Variants in LINGO2 observed in about 807,000 individuals in gnomAD.
LINGO2 encodes leucine rich repeat and Ig domain containing 2.
A neutral mutation model predicts 30.6 loss-of-function variants in LINGO2; 14 were observed. The ratio of observed to expected loss-of-function variants is 0.46; its 90% CI spans 0.30 to 0.72. The LOEUF (loss-of-function observed/expected upper bound fraction) is 0.72. Among genes scored for constraint, LINGO2 ranks in the 30% least tolerant of loss-of-function variants. The pLI is 0.07. For synonymous variants in LINGO2, 317 were observed against 288.5 expected, an observed-to-expected ratio of 1.10 and a Z score of -1.00; for missense variants, 729 against 751.7, an observed-to-expected ratio of 0.97 and a Z score of 0.35.
intron 4 of LINGO2, among the ~76,000 whole-genome samples, chr9:28,136,755 T>C (rs572089055): frequency 3.3e-5 from 5 of 152,302 alleles, no homozygotes; most frequent in African/African-American, 9.6e-5. Context: ...GACTGGGCCA[T>C]GGAGTTCTCA....
intron 1 of LINGO2, among the ~76,000 whole-genome samples, chr9:28,557,221 G>A (rs543696233): frequency 1.3e-3 from 196 of 152,012 alleles, no homozygotes; most frequent in Non-Finnish European, 2.3e-3. Context: ...CCTACAAAAT[G>A]GGAGAAAATT....
At chr9:28,506,522 A>AGATAT in intron 1 of LINGO2, among the ~76,000 whole-genome samples, 1 of 136,486 alleles carries the variant, frequency 7.3e-6, no homozygotes, top group Admixed American at 7.8e-5. Flanking sequence ...ATATATATAT[A>AGATAT]AACTGTTGGG....
At chr9:28,181,080 G>C (rs1828897452) in intron 4 of LINGO2, among the ~76,000 whole-genome samples, 1 of 152,110 alleles carries the variant, frequency 6.6e-6, no homozygotes, top group Non-Finnish European at 1.5e-5. Flanking sequence ...CTAGATGCCA[G>C]GGTAAGCTGT....
chr9:28,824,832 T>G, the LINGO2 span, among the ~76,000 whole-genome samples: 1 of 152,174 alleles, frequency 6.6e-6, no homozygotes, highest in African/African-American at 2.4e-5. Flanking sequence ...AGAAAGGATC[T>G]AAAGTCACAA....
intron 4 of LINGO2, among the ~76,000 whole-genome samples, chr9:28,087,407 TATTA>T (rs1825946014): frequency 6.6e-6 from 1 of 152,120 alleles, no homozygotes; most frequent in Non-Finnish European, 1.5e-5. Context: ...TAATCATCAC[TATTA>T]ATTAACATTT....
At chr9:29,201,834 A>C in the LINGO2 span, among the ~76,000 whole-genome samples, 4 of 152,038 alleles carry the variant, frequency 2.6e-5, no homozygotes, top group African/African-American at 7.2e-5. Flanking sequence ...TGCAGGCCAG[A>C]AAAGTGTTTT....
At chr9:28,710,719 C>A in the LINGO2 span, among the ~76,000 whole-genome samples, 4 of 151,922 alleles carry the variant, frequency 2.6e-5, no homozygotes. Flanking sequence ...CAGGAATCAC[C>A]CCATTTCAAA....
chr9:29,035,540 C>A, the LINGO2 span, among the ~76,000 whole-genome samples: 2 of 150,708 alleles, frequency 1.3e-5, no homozygotes, highest in Non-Finnish European at 1.5e-5. Context: ...GAAGGAAGAG[C>A]TCAAGGTACA....
At chr9:29,107,550 A>T in the LINGO2 span, among the ~76,000 whole-genome samples, 14 of 151,816 alleles carry the variant, frequency 9.2e-5, no homozygotes, top group South Asian at 4.1e-4. Context: ...GTCTTTTAAA[A>T]TTTTTTTTTC....
intron 4 of LINGO2, among the ~76,000 whole-genome samples, chr9:28,236,266 C>G (rs928052403): frequency 2.6e-5 from 4 of 151,916 alleles, no homozygotes; most frequent in African/African-American, 7.3e-5. Flanking sequence ...AAAGACTGTC[C>G]CAGACAAACA....
intron 5 of LINGO2, among the ~76,000 whole-genome samples, chr9:27,969,571 T>C (rs1019904420): frequency 3.9e-5 from 6 of 152,286 alleles, no homozygotes; most frequent in African/African-American, 1.4e-4. Context: ...CTGTTCTCAT[T>C]ACCATTTTGT....
intron 1 of LINGO2, among the ~76,000 whole-genome samples, chr9:28,516,426 G>A (rs1395879438): frequency 6.6e-6 from 1 of 152,170 alleles, no homozygotes; most frequent in Non-Finnish European, 1.5e-5. Flanking sequence ...TGTGGACTAA[G>A]CCAGTCTTTG....
chr9:27,987,097 T>A (rs1821160571), intron 5 of LINGO2, among the ~76,000 whole-genome samples: 1 of 151,796 alleles, frequency 6.6e-6, no homozygotes, highest in Non-Finnish European at 1.5e-5. Flanking sequence ...AGTCAACTAC[T>A]CAATAAATGA....
At chr9:28,292,938 C>CT (rs1232824482) in intron 4 of LINGO2, among the ~76,000 whole-genome samples, 1 of 151,070 alleles carries the variant, frequency 6.6e-6, no homozygotes, top group Non-Finnish European at 1.5e-5. Context: ...GCTTGGATAA[C>CT]TTTTTTTGTA....
intron 1 of LINGO2, among the ~76,000 whole-genome samples, chr9:28,478,369 C>G (rs1281271050): frequency 6.6e-6 from 1 of 151,862 alleles, no homozygotes; most frequent in Non-Finnish European, 1.5e-5. Flanking sequence ...CATTGCTTCT[C>G]AAGCTTAAAA....
At chr9:28,561,749 GTATATATATATATATATA>G (rs1554637723) in intron 1 of LINGO2, among the ~76,000 whole-genome samples, 1 of 48,754 alleles carries the variant, frequency 2.1e-5, no homozygotes, top group Admixed American at 2.2e-4. Context: ...GTGTGTGTGT[GTATATATATATATATATA>G]TATATATATA....
chr9:28,962,298 G>A, the LINGO2 span, among the ~76,000 whole-genome samples: 7 of 152,114 alleles, frequency 4.6e-5, no homozygotes, highest in East Asian at 7.7e-4. Context: ...ACTAAAAAGG[G>A]AACTGAGATT....
chr9:28,558,488 G>T (rs551390721), intron 1 of LINGO2, among the ~76,000 whole-genome samples: 4 of 152,048 alleles, frequency 2.6e-5, no homozygotes, highest in Admixed American at 1.3e-4. Context: ...TATCCTCTTT[G>T]GGGAATAAAG....
the LINGO2 span, among the ~76,000 whole-genome samples, chr9:29,137,558 C>T: frequency 1.4e-4 from 22 of 152,176 alleles, no homozygotes; most frequent in Non-Finnish European, 8.8e-5. Flanking sequence ...GGAGTAACTT[C>T]ATGACAAGTG....
Sources: gnomAD v4.1 joint callset for allele counts (sites outside exome capture counted in the v4.1 genomes callset) on GRCh38, gnomAD v4.1.1 for gene constraint, MANE v1.5 for transcripts, NCBI Gene and HGNC (gene_info 2026-07-23, HGNC 2026-07-21) for gene names.